Variants in TTC34 observed in about 807,000 individuals in gnomAD.
TTC34 encodes tetratricopeptide repeat domain 34.
TTC34 carries 44 observed loss-of-function variants against 40.7 expected under a neutral mutation model. The ratio of observed to expected loss-of-function variants is 1.08; its 90% CI spans 0.85 to 1.39. The LOEUF is 1.39. TTC34 is among the 40% of genes most tolerant of loss of function. The pLI is 0.00. For synonymous variants in TTC34, 422 were observed against 398.6 expected (o/e 1.06, Z -0.70); for missense variants, 884 against 838.0 (o/e 1.05, Z -0.68).
chr1:2,789,208 T>C (rs1287280648), intron 3 of TTC34, among the ~76,000 whole-genome samples: 2 of 152,092 alleles, frequency 1.3e-5, no homozygotes, highest in Non-Finnish European at 1.5e-5. Flanking sequence ...TCATGACCTA[T>C]TGAGTAAGAA....
intron 6 of TTC34, among the ~76,000 whole-genome samples, chr1:2,693,857 G>A (rs1433884198): frequency 2.0e-4 from 28 of 137,554 alleles, no homozygotes; most frequent in East Asian, 4.5e-4. Flanking sequence ...GCCTGGAACA[G>A]AACCCACACC....
chr1:2,653,395 A>T (rs1178521772), intron 6 of TTC34, among the ~76,000 whole-genome samples: 2 of 138,838 alleles, frequency 1.4e-5, no homozygotes, highest in Non-Finnish European at 3.1e-5. Context: ...ACAGCATGTA[A>T]CAGCACCCAC....
intron 6 of TTC34, among the ~76,000 whole-genome samples, chr1:2,765,663 A>G (rs1246033408): frequency 7.5e-5 from 1 of 13,322 alleles, no homozygotes; most frequent in Non-Finnish European, 1.1e-4. Context: ...ACAGCCTGGA[A>G]CAGCACCCAT....
chr1:2,675,143 C>T (rs1215856512), intron 6 of TTC34, among the ~76,000 whole-genome samples: 166 of 3,380 alleles, frequency 0.049, no homozygotes, highest in African/African-American at 0.065. Context: ...ATCTGACAGC[C>T]CGTAGCAGCA....
chr1:2,649,318 G>A (rs1639080010), intron 6 of TTC34, among the ~76,000 whole-genome samples: 1 of 151,660 alleles, frequency 6.6e-6, no homozygotes, highest in Non-Finnish European at 1.5e-5. Flanking sequence ...AGCCAGGAAT[G>A]ACAACCCACA....
chr1:2,683,421 A>T (rs1484818598), intron 6 of TTC34, among the ~76,000 whole-genome samples: 11 of 112,150 alleles, frequency 9.8e-5, no homozygotes, highest in Non-Finnish European at 1.5e-4. Flanking sequence ...AGCCTGGAAC[A>T]CCACCCTTCA....
At chr1:2,692,431 T>C (rs74753882) in intron 6 of TTC34, among the ~76,000 whole-genome samples, 5 of 50,008 alleles carry the variant, frequency 1.0e-4, no homozygotes, top group East Asian at 1.1e-3. Context: ...CACCCCCAGG[T>C]GAGCATCTGA....
At chr1:2,759,693 C>T (rs1641629314) in intron 6 of TTC34, among the ~76,000 whole-genome samples, 3 of 95,878 alleles carry the variant, frequency 3.1e-5, no homozygotes, top group African/African-American at 8.4e-5. Flanking sequence ...AGGCTTGCAT[C>T]CGACAGCCTG....
At chr1:2,786,616 G>C (rs1643593052) in intron 4 of TTC34, among the ~76,000 whole-genome samples, 2 of 152,212 alleles carry the variant, frequency 1.3e-5, no homozygotes, top group African/African-American at 4.8e-5. Flanking sequence ...ACTGGAGCAA[G>C]GTCCAAATGA....
intron 6 of TTC34, among the ~76,000 whole-genome samples, chr1:2,699,488 C>A (rs548915565): frequency 2.2e-5 from 3 of 135,478 alleles, no homozygotes; most frequent in South Asian, 2.3e-4. Flanking sequence ...GGAGCAGCAC[C>A]CACACACCCA....
intron 6 of TTC34, among the ~76,000 whole-genome samples, chr1:2,687,446 C>G (rs1346814472): frequency 1.4e-5 from 2 of 146,628 alleles, no homozygotes; most frequent in Admixed American, 6.7e-5. Context: ...GCACCCACAA[C>G]CACAGGTGAG....
chr1:2,797,434 C>G (rs900362449), intron 2 of TTC34, among the ~76,000 whole-genome samples: 6 of 152,148 alleles, frequency 3.9e-5, no homozygotes, highest in African/African-American at 1.4e-4. Context: ...CCTTGACTTT[C>G]AACCTCTCAT....
intron 6 of TTC34, among the ~76,000 whole-genome samples, chr1:2,692,415 C>T (rs1340109583): frequency 1.1e-5 from 1 of 93,056 alleles, no homozygotes; most frequent in Non-Finnish European, 2.5e-5. Context: ...CCTGGAGCAG[C>T]ACCCACACCC....
At chr1:2,649,003 A>C in intron 6 of TTC34, among the ~76,000 whole-genome samples, 2 of 129,168 alleles carry the variant, frequency 1.5e-5, no homozygotes, top group South Asian at 2.6e-4. Flanking sequence ...GCACCCCCAC[A>C]CCCAGTTGAG....
intron 6 of TTC34, among the ~76,000 whole-genome samples, chr1:2,773,173 C>T (rs1642574856): frequency 6.9e-6 from 1 of 145,062 alleles, no homozygotes; most frequent in Non-Finnish European, 1.5e-5. Flanking sequence ...GAGCAGCGCC[C>T]ACACCCCCAG....
At chr1:2,646,122 G>T (rs775898633) in intron 6 of TTC34, among the ~76,000 whole-genome samples, 1 of 152,140 alleles carries the variant, frequency 6.6e-6, no homozygotes, top group African/African-American at 2.4e-5. Flanking sequence ...GCACAATACC[G>T]CGCCTGGCCC....
rs1231866435 is a variant in TTC34 at position 2,751,977 on chromosome 1, C to T, written c.2226+31632G>A. Among the ~76,000 whole-genome samples the T allele has an allele frequency of 3.2e-4, 30 of 92,522 alleles. 9 individuals are homozygous for T. Among genetic ancestry groups the T allele is most frequent in the African/African-American group, 1.5e-3 (28 of 18,988 alleles). The allele number at this position is 92,522 out of a possible 152,430, so 60.7% of individuals were successfully genotyped here. A position where few individuals can be genotyped will look rare whatever the true frequency, so the allele number is the denominator to read the frequency against. ...CTGGAGCAGCGCCCACACCCCCAGG[C>T]GAGCATTTGACAGCCTGGAGCAGTG... On this transcript the variant is annotated intron_variant, in intron 6 of 8. Transcript: ENST00000401095.
intron 6 of TTC34, among the ~76,000 whole-genome samples, chr1:2,781,081 A>T (rs187482670): frequency 1.3e-5 from 2 of 152,176 alleles, no homozygotes; most frequent in East Asian, 3.9e-4. Context: ...TTATATGTGA[A>T]TTTTTTTCAA....
chr1:2,748,716 C>A (rs1641224945), intron 6 of TTC34, among the ~76,000 whole-genome samples: 1 of 133,490 alleles, frequency 7.5e-6, no homozygotes, highest in Non-Finnish European at 1.6e-5. Context: ...GAACAGAACC[C>A]ACACCTCCAG....
Sources: allele counts gnomAD v4.1 joint callset (sites outside exome capture counted in the v4.1 genomes callset), GRCh38; gene constraint gnomAD v4.1.1; transcripts MANE v1.5; gene names NCBI Gene and HGNC (gene_info 2026-07-23, HGNC 2026-07-21).